TRIO: variants seen among roughly 807,000 people sequenced by gnomAD.
TRIO encodes triple functional domain protein.
Under a neutral mutation model 351.9 loss-of-function variants are expected in TRIO, and 58 were observed. The ratio of observed to expected loss-of-function variants is 0.16; its 90% confidence interval spans 0.13 to 0.21. The LOEUF is 0.21. Among genes scored for constraint, TRIO ranks in the 10% least tolerant of loss-of-function variants. TRIO has a pLI of 1.00. For synonymous variants in TRIO, 1,758 were observed against 1,595.7 expected (o/e 1.10, Z -2.42); for missense variants, 3,201 against 4,027.8 (o/e 0.79, Z 5.56).
In TRIO at chr5:14,508,400, G is replaced by A; in HGVS notation, c.9272G>A (p.Ser3091Asn). 1.2e-6 allele frequency: 2 copies of A among 1,610,404 alleles called. No homozygotes were observed. Among genetic ancestry groups the A allele is most frequent in the Non-Finnish European group, 1.7e-6 (2 of 1,177,370 alleles). Residue 3091 changes from serine (S) to asparagine (N), a missense_variant, in exon 57 of 57, where the codon AGC (serine) becomes AAC (asparagine). This residue lies in a region of TRIO where 233 missense variants were observed against 292.6 expected (regional missense o/e 0.80). Transcript: ENST00000344204. ...CGTAGCATTAAAAACTTTCTGCAGAGCAGGCTTCTGCCTAGAGTTTGACCT... is the reference window on the plus strand; with the variant it reads ...CGTAGCATTAAAAACTTTCTGCAGAACAGGCTTCTGCCTAGAGTTTGACCT... Reference protein sequence around the residue: ...PIRSIKNFLQSRLLPRV With the variant: ...PIRSIKNFLQNRLLPRV
chr5:14,352,550 T>C (rs1351964858), intron 11 of TRIO, among the ~76,000 whole-genome samples: 1 of 152,228 alleles, frequency 6.6e-6, no homozygotes, highest in East Asian at 1.9e-4. Flanking sequence ...AAACAGACTT[T>C]CCTTGAGTGA....
In TRIO at chr5:14,479,968, T is replaced by C. The variant is rs778898788; in HGVS notation, c.6293T>C (p.Ile2098Thr). The change falls in exon 43 of 57, where the codon ATC (isoleucine) becomes ACC (threonine). Residue 2098 changes from isoleucine to threonine, a missense_variant. Around this residue, in one of 19 missense-constraint regions of TRIO, gnomAD observed 307 missense variants for 396.5 expected, o/e 0.77. Transcript: ENST00000344204. The part of the protein sequence containing the change: ...GHRLQLTDLL[I>T]KPVQRIMKYQ... The stretch of plus-strand genomic sequence containing the variant: ...AGGTTACAGCTCACAGATCTGTTGA[T>C]CAAACCAGTGCAGAGAATCATGAAG... The C allele has an allele frequency of 5.0e-6, 8 of 1,614,018 alleles. No individual in the cohort carries two copies. The highest frequency in any genetic ancestry group is 5.9e-6 in the Non-Finnish European group (7 of 1,180,012).
At chr5:14,495,963 G>C (rs564369114) in intron 49 of TRIO, among the ~76,000 whole-genome samples, 1 of 152,190 alleles carries the variant, frequency 6.6e-6, no homozygotes, top group South Asian at 2.1e-4. Flanking sequence ...GCAAGACTCC[G>C]TCTCAGAGAA....
chr5:14,488,111 A>T lies in TRIO; in HGVS notation c.7483A>T (p.Ser2495Cys). The change falls in exon 48 of 57, where the codon AGC becomes TGC. Residue 2495 changes from serine (S) to cysteine (C), a missense_variant. Physicochemically the swap from Ser to Cys is moderately radical, Grantham distance 112. Around this residue, in one of 19 missense-constraint regions of TRIO, gnomAD observed 1,089 missense variants for 954.9 expected, o/e 1.14. Transcript: ENST00000344204. ...FWSSIPASPA[S>C]RPGSFTFPGD... ...GAGCTCCATCCCCGCCTCCCCCGCC[A>T]GCCGACCCGGCTCCTTCACCTTCCC... 1 of 1,609,246 alleles carries T rather than the reference A, an allele frequency of 6.2e-7. No individual in the cohort carries two copies. Among genetic ancestry groups the T allele is most frequent in the South Asian group, 1.1e-5 (1 of 90,904 alleles).
intron 54 of TRIO, 80 bp from the exon 55 acceptor site, chr5:14,504,313 G>A (rs1192371864): frequency 6.6e-7 from 1 of 1,507,740 alleles, no homozygotes; most frequent in African/African-American, 1.4e-5. Flanking sequence ...CACACAGCCA[G>A]TCCATTTAGG....
intron 1 of TRIO, among the ~76,000 whole-genome samples, chr5:14,208,548 G>T (rs1205536962): frequency 6.6e-6 from 1 of 152,254 alleles, no homozygotes; most frequent in African/African-American, 2.4e-5. Context: ...AAACATTTCA[G>T]AGCGAAGAAA....
chr5:14,193,753 A>T (rs1299483821), intron 1 of TRIO, among the ~76,000 whole-genome samples: 1 of 152,178 alleles, frequency 6.6e-6, no homozygotes, highest in Non-Finnish European at 1.5e-5. Flanking sequence ...TTATTTCCAG[A>T]TACATTTATG....
At chr5:14,196,480 A>G (rs1334870101) in intron 1 of TRIO, among the ~76,000 whole-genome samples, 4 of 151,810 alleles carry the variant, frequency 2.6e-5, no homozygotes, top group African/African-American at 9.7e-5. Context: ...TACCTCTAAG[A>G]CTGACTGAGA....
chr5:14,498,594 C>G lies in TRIO; in HGVS notation c.8286C>G (p.Val2762=). The G allele has an allele frequency of 1.2e-6, 2 of 1,614,236 alleles. No homozygotes were observed. The highest frequency in any genetic ancestry group is 1.7e-6 in the Non-Finnish European group (2 of 1,180,032). ...ACGGCATCTACACGTGCATCGCTGT[C>G]AATGACATGGGTTCAGCCTCATCGT... The part of the protein sequence containing the change: ...EDDGIYTCIA[V]NDMGSASSSA... The change falls in exon 53 of 57, where the codon GTC becomes GTG. Residue 2762 remains valine, a synonymous_variant. Transcript: ENST00000344204.
chr5:14,247,018 T>C (rs1794478007), intron 1 of TRIO, among the ~76,000 whole-genome samples: 1 of 152,234 alleles, frequency 6.6e-6, no homozygotes, highest in African/African-American at 2.4e-5. Flanking sequence ...ACCAGCAATG[T>C]GTGTCCTCCC....
Position 14,218,910 on chromosome 5 carries a change from G to A in TRIO, c.158-51915G>A, listed in dbSNP as rs138938683. On this transcript the variant is annotated intron_variant, in intron 1 of 56. Coordinates refer to ENST00000344204, the MANE Select transcript of TRIO (RefSeq NM_007118.4). ...AAGTGGGATCCCTGTGCCGCTGGCA[G>A]TGCCGGCAGCAACCCTTCTCCGGCT... is the stretch of plus-strand genomic sequence containing the variant. Among the ~76,000 whole-genome samples the A allele has an allele frequency of 6.2e-3, 948 of 152,378 alleles. 11 individuals carry two copies. The highest frequency in any genetic ancestry group is 0.011 in the South Asian group (54 of 4,834).
rs557465686 is a variant in TRIO, at chr5:14,418,066, A to C, written c.4960-1712A>C. On this transcript the variant is annotated intron_variant, in intron 33 of 56. Transcript: ENST00000344204. Reference sequence around the variant, plus strand: ...GATGAAGGCAGACACACACACGTGTAACTCCAGCTGTGGCTCACTTCAGAA... The same window carrying C: ...GATGAAGGCAGACACACACACGTGTCACTCCAGCTGTGGCTCACTTCAGAA... Among the ~76,000 whole-genome samples, 4 of 152,314 alleles carry C rather than the reference A, an allele frequency of 2.6e-5. No individual in the cohort carries two copies. The South Asian group carries it at 8.3e-4, about 32-fold the overall frequency.
chr5:14,459,560 C>T (rs548102216), intron 34 of TRIO, among the ~76,000 whole-genome samples: 88 of 152,132 alleles, frequency 5.8e-4, no homozygotes, highest in Non-Finnish European at 1.1e-3. Flanking sequence ...TGTCTGCTGT[C>T]ACCCAAATTT....
At chr5:14,358,139 C>A in intron 11 of TRIO, 39 bp from the exon 12 acceptor site, 2 of 1,587,752 alleles carry the variant, frequency 1.3e-6, no homozygotes, top group South Asian at 2.3e-5. Context: ...GGTGGTGCAG[C>A]CAGGCCGGCC....
chr5:14,492,610 C>T lies in TRIO; in HGVS notation c.7676C>T (p.Thr2559Ile), dbSNP rs1756570591. The T allele has an allele frequency of 6.2e-7, 1 of 1,614,164 alleles. No homozygotes were observed. ...AGCAACATCTCCACCATGTTGGTGA[C>T]ACACGATTACACGGCAGTGAAGGAG... is the stretch of plus-strand genomic sequence containing the variant. ...SSSNISTMLV[T>I]HDYTAVKEDE... The change falls in exon 49 of 57, where the codon ACA becomes ATA. Residue 2559 changes from threonine (T) to isoleucine (I), a missense_variant. By Grantham distance (89) the Thr-to-Ile change is moderately conservative. Around this residue, in one of 19 missense-constraint regions of TRIO, gnomAD observed 1,089 missense variants for 954.9 expected, o/e 1.14. Coordinates refer to ENST00000344204, the MANE Select transcript of TRIO (RefSeq NM_007118.4).
chr5:14,432,419 G>A (rs762709059), intron 34 of TRIO, among the ~76,000 whole-genome samples: 6 of 152,204 alleles, frequency 3.9e-5, no homozygotes, highest in Non-Finnish European at 7.3e-5. Flanking sequence ...CATCGTTTAT[G>A]GAAGAGCTAA....
At chr5:14,364,362 G>C (rs902990107) in intron 14 of TRIO, among the ~76,000 whole-genome samples, 9 of 151,714 alleles carry the variant, frequency 5.9e-5, no homozygotes, top group Non-Finnish European at 1.2e-4. Flanking sequence ...GAAACTGCAA[G>C]TAATGAGGAT....
rs776624385 is a variant in TRIO, at chr5:14,287,092, T to C, written c.540+29T>C. The C allele has an allele frequency of 3.7e-6, 6 of 1,603,840 alleles. 1 individual carries two copies. In the South Asian group the frequency reaches 6.7e-5, roughly 18 times the overall value. On this transcript the variant is annotated intron_variant, in intron 4 of 56. Coordinates refer to ENST00000344204, the MANE Select transcript of TRIO (RefSeq NM_007118.4). ...ACTTCCCCCGTGTGGCTAGACCCAC[T>C]AAACAAGTTGGTGTGGTTTACTAAA...
In TRIO at chr5:14,347,320, TGCTG is replaced by T. The variant is rs1176690028; in HGVS notation, c.2046+10595_2046+10598del. 3.2e-3 allele frequency among the ~76,000 whole-genome samples: 349 copies of T among 109,126 alleles called. 28 individuals carry two copies. The highest frequency in any genetic ancestry group is 0.011 in the African/African-American group (326 of 29,464). The allele number at this position is 109,126 out of a possible 152,430, so 71.6% of individuals were successfully genotyped here. On this transcript the variant is annotated intron_variant, in intron 11 of 56. Transcript: ENST00000344204. ...CTGAGGTCCTGCAGAACAGAGATGA[TGCTG>T]GACCAGTCATCTCAGGTGGACCTGA... is the stretch of plus-strand genomic sequence containing the variant.
Sources: gnomAD v4.1 joint callset for allele counts (sites outside exome capture counted in the v4.1 genomes callset) on GRCh38, gnomAD v4.1.1 for gene constraint, gnomAD v4.1.1 regional missense constraint, MANE v1.5 for transcripts, NCBI Gene and HGNC (gene_info 2026-07-23, HGNC 2026-07-21) for gene names.